The following ADGRL3 variants were observed in gnomAD, a reference collection of about 807,000 sequenced individuals.
ADGRL3 encodes the protein calcium-independent alpha-latrotoxin receptor 3.
Under a neutral mutation model 153.5 loss-of-function variants are expected in ADGRL3, and 62 were observed. That is an observed-to-expected ratio of 0.40 (90% CI 0.33 to 0.50). The LOEUF is 0.50. ADGRL3 is among the 20% of genes least tolerant of loss of function. ADGRL3 has a pLI of 0.47. For synonymous variants in ADGRL3, 710 were observed against 672.5 expected (o/e 1.06, Z -0.86); for missense variants, 1,641 against 1,859.4 (o/e 0.88, Z 2.16).
intron 21 of ADGRL3, among the ~76,000 whole-genome samples, chr4:62,009,336 G>A (rs1581864499): frequency 6.6e-6 from 1 of 151,836 alleles, no homozygotes; most frequent in East Asian, 1.9e-4. Flanking sequence ...TTTTCTTCAA[G>A]CAATAATAAG....
At chr4:61,419,842 T>G (rs1173150008) in intron 2 of ADGRL3, among the ~76,000 whole-genome samples, 13 of 151,960 alleles carry the variant, frequency 8.6e-5, no homozygotes, top group Admixed American at 7.9e-4. Context: ...TCACCTAGGC[T>G]GGACAGCAAT....
chr4:61,871,264 T>C (rs1349171526), intron 9 of ADGRL3, among the ~76,000 whole-genome samples: 7 of 146,506 alleles, frequency 4.8e-5, no homozygotes, highest in South Asian at 2.2e-4. Context: ...GGTGACAGAG[T>C]GAGACTCCAT....
chr4:61,371,393 G>A (rs1365865243), intron 1 of ADGRL3, among the ~76,000 whole-genome samples: 8 of 151,844 alleles, frequency 5.3e-5, no homozygotes, highest in East Asian at 1.9e-4. Flanking sequence ...CATGTGTAGC[G>A]CTTCCTTCAG....
chr4:61,993,920 C>T (rs1362779293), intron 19 of ADGRL3, among the ~76,000 whole-genome samples: 1 of 152,112 alleles, frequency 6.6e-6, no homozygotes, highest in Non-Finnish European at 1.5e-5. Context: ...AAAAGGGTAA[C>T]TAATTATCCA....
At chr4:61,239,498 G>C (rs1754115966) in intron 1 of ADGRL3, among the ~76,000 whole-genome samples, 1 of 151,972 alleles carries the variant, frequency 6.6e-6, no homozygotes, top group Admixed American at 6.6e-5. Flanking sequence ...TTGTTACTAT[G>C]GATGTTACTC....
At chr4:61,322,745 G>A in intron 1 of ADGRL3, among the ~76,000 whole-genome samples, 1 of 152,168 alleles carries the variant, frequency 6.6e-6, no homozygotes, top group Non-Finnish European at 1.5e-5. Flanking sequence ...GGCTTTTCAG[G>A]GTACAGCCTC....
In ADGRL3 at chr4:61,798,999, GTATATATATATATATATATATA is replaced by G. The variant is rs34782885; in HGVS notation, c.1400-14791_1400-14770del. ...CATTATTATATATTATATATAAACA[GTATATATATATATATATATATA>G]TATATATATATATATATACCATATA... On this transcript the variant is annotated intron_variant, in intron 8 of 26. Transcript: ENST00000683033. Among the ~76,000 whole-genome samples the G allele has an allele frequency of 2.6e-3, 207 of 80,756 alleles. 1 individual carries two copies. Among genetic ancestry groups the G allele is most frequent in the South Asian group, 0.012 (26 of 2,146 alleles). 53.0% of individuals were successfully genotyped at this position (80,756 alleles called of 152,430 possible).
chr4:61,843,622 G>C (rs10004644), intron 9 of ADGRL3, among the ~76,000 whole-genome samples: 1 of 151,786 alleles, frequency 6.6e-6, no homozygotes, highest in African/African-American at 2.4e-5. Flanking sequence ...CCTCGAAAGA[G>C]AAAAAAAATT....
At chr4:61,774,780 ATAAAT>A (rs2097128403) in intron 8 of ADGRL3, among the ~76,000 whole-genome samples, 1 of 152,200 alleles carries the variant, frequency 6.6e-6, no homozygotes, top group Non-Finnish European at 1.5e-5. Flanking sequence ...TGCCTAATTT[ATAAAT>A]TAAACTTTGT....
chr4:61,499,759 C>T (rs570476436), intron 3 of ADGRL3, among the ~76,000 whole-genome samples: 6 of 152,212 alleles, frequency 3.9e-5, no homozygotes, highest in Non-Finnish European at 8.8e-5. Flanking sequence ...TACACACACA[C>T]AATTCGTATT....
intron 8 of ADGRL3, among the ~76,000 whole-genome samples, chr4:61,787,825 G>T (rs1218331833): frequency 5.3e-5 from 8 of 151,856 alleles, no homozygotes; most frequent in African/African-American, 1.7e-4. Context: ...ATATAGAACA[G>T]TTTCATCACT....
intron 1 of ADGRL3, among the ~76,000 whole-genome samples, chr4:61,370,961 A>G (rs1331598737): frequency 6.6e-6 from 1 of 150,686 alleles, no homozygotes; most frequent in Admixed American, 6.6e-5. Flanking sequence ...TTCTTGTTGA[A>G]TTGATCCCTT....
chr4:61,802,488 C>T (rs899580915), intron 8 of ADGRL3, among the ~76,000 whole-genome samples: 6 of 152,120 alleles, frequency 3.9e-5, no homozygotes, highest in East Asian at 1.9e-4. Flanking sequence ...AATATGACTA[C>T]GGGCATCTTC....
intron 4 of ADGRL3, among the ~76,000 whole-genome samples, chr4:61,583,216 C>G (rs12642315): frequency 0.32 from 48,684 of 151,820 alleles, 8,354 homozygotes; most frequent in East Asian, 0.51. Flanking sequence ...TGGCAAGTCT[C>G]TGACCCCAGT....
chr4:61,437,773 C>T (rs1158314844), intron 2 of ADGRL3, among the ~76,000 whole-genome samples: 1 of 152,128 alleles, frequency 6.6e-6, no homozygotes, highest in Non-Finnish European at 1.5e-5. Flanking sequence ...TCTATCAGCT[C>T]CACCTCAGAC....
chr4:61,837,377 G>T (rs2097952816), intron 9 of ADGRL3, among the ~76,000 whole-genome samples: 1 of 152,264 alleles, frequency 6.6e-6, no homozygotes, highest in African/African-American at 2.4e-5. Context: ...AAGGCAATTA[G>T]AATGTGGTGC....
At chr4:61,896,744 C>T (rs1034877162) in intron 11 of ADGRL3, among the ~76,000 whole-genome samples, 2 of 152,086 alleles carry the variant, frequency 1.3e-5, no homozygotes, top group Non-Finnish European at 2.9e-5. Context: ...TATGCATCTC[C>T]GTACTTGTTG....
chr4:61,644,536 T>G (rs371707911), intron 5 of ADGRL3, among the ~76,000 whole-genome samples: 3 of 152,284 alleles, frequency 2.0e-5, no homozygotes, highest in African/African-American at 7.2e-5. Context: ...CCTTCATTTC[T>G]TTATGTACCC....
chr4:61,201,543 A>AAG lies in ADGRL3; in HGVS notation c.-456_-455dup, dbSNP rs1303004177. ...CGTGGCTGTGTAGCGGAAGAAAGGGAAGAGAGACTTTTTGTTGTTGTTTCC... is the reference window on the plus strand; with the variant it reads ...CGTGGCTGTGTAGCGGAAGAAAGGGAAGAGAGAGACTTTTTGTTGTTGTTTCC... On this transcript the variant is annotated 5_prime_UTR_variant, in exon 1 of 27. Coordinates refer to ENST00000683033, the MANE Select transcript of ADGRL3 (RefSeq NM_001387552.1). 6.6e-6 allele frequency: 1 copy of AAG among 152,126 alleles called. No individual in the cohort carries two copies. Among genetic ancestry groups the AAG allele is most frequent in the Non-Finnish European group, 1.5e-5 (1 of 68,054 alleles). 9.4% of individuals were successfully genotyped at this position (152,126 alleles called of 1,614,324 possible). A position where few individuals can be genotyped will look rare whatever the true frequency, so the allele number is the denominator to read the frequency against.
Sources: gnomAD v4.1 joint callset for allele counts (sites outside exome capture counted in the v4.1 genomes callset) on GRCh38, gnomAD v4.1.1 for gene constraint, MANE v1.5 for transcripts, NCBI Gene and HGNC (gene_info 2026-07-23, HGNC 2026-07-21) for gene names.